CALD1: variants seen among roughly 807,000 people sequenced by gnomAD.
The protein encoded by CALD1 is caldesmon 1.
CALD1 carries 33 observed loss-of-function variants against 99.9 expected under a neutral mutation model. That is an observed-to-expected ratio of 0.33 (90% confidence interval 0.25 to 0.44). The LOEUF (loss-of-function observed/expected upper bound fraction) is 0.44. Among genes scored for constraint, CALD1 ranks in the 20% least tolerant of loss-of-function variants. CALD1 has a pLI of 1.00. For missense variants in CALD1, 861 were observed against 962.1 expected, an observed-to-expected ratio of 0.89 and a Z score of 1.39; for synonymous variants, 310 against 325.0, an observed-to-expected ratio of 0.95 and a Z score of 0.50.
At position 134,762,519 on chromosome 7, in the gene CALD1, A is replaced by G. The variant is rs187511165; in HGVS notation, c.-130+18156A>G. Among the ~76,000 whole-genome samples the G allele has an allele frequency of 5.9e-5, 9 of 152,294 alleles. No individual in the cohort carries two copies. The East Asian group carries it at 1.7e-3, about 29-fold the overall frequency. On this transcript the variant is annotated intron_variant, in intron 1 of 13. Transcript: ENST00000417172. ...CAGAGACTAGGTAATTTATAAAGAA[A>G]AGAGGTTTAATTGGCTCACGGTTTC...
chr7:134,755,775 T>C (rs1796722208), intron 1 of CALD1, among the ~76,000 whole-genome samples: 1 of 152,246 alleles, frequency 6.6e-6, no homozygotes, highest in Non-Finnish European at 1.5e-5. Context: ...GTCATATTTA[T>C]CATTCTTTTC....
chr7:134,884,225 T>C (rs1451530158), intron 3 of CALD1, among the ~76,000 whole-genome samples: 1 of 152,150 alleles, frequency 6.6e-6, no homozygotes, highest in African/African-American at 2.4e-5. Context: ...ATCTCAGGGT[T>C]GGTTGAGTTT....
At chr7:134,800,749 G>A (rs951089617) in intron 1 of CALD1, among the ~76,000 whole-genome samples, 7 of 151,924 alleles carry the variant, frequency 4.6e-5, no homozygotes, top group African/African-American at 1.7e-4. Flanking sequence ...TCTGAAAACA[G>A]GGCAAACTTA....
intron 1 of CALD1, among the ~76,000 whole-genome samples, chr7:134,751,289 A>G (rs1180251282): frequency 6.6e-6 from 1 of 152,206 alleles, no homozygotes; most frequent in Non-Finnish European, 1.5e-5. Flanking sequence ...AATGACACCT[A>G]TTATTAGTAT....
upstream of CALD1, among the ~76,000 whole-genome samples, chr7:134,741,043 A>C (rs1465094766): frequency 6.6e-6 from 1 of 152,186 alleles, no homozygotes; most frequent in Non-Finnish European, 1.5e-5. Flanking sequence ...GTCAGGGCAC[A>C]AAAATCAGTC....
At chr7:134,889,941 C>A (rs763581944) in intron 3 of CALD1, among the ~76,000 whole-genome samples, 5 of 152,102 alleles carry the variant, frequency 3.3e-5, no homozygotes, top group Non-Finnish European at 5.9e-5. Flanking sequence ...TGGAGTCTCA[C>A]TCTGTCGCTC....
upstream of CALD1, among the ~76,000 whole-genome samples, chr7:134,740,999 C>A (rs891401100): frequency 4.6e-5 from 7 of 152,154 alleles, no homozygotes; most frequent in Non-Finnish European, 1.0e-4. Context: ...TGAATTGAGG[C>A]ATAGCGAGGT....
intron 1 of CALD1, among the ~76,000 whole-genome samples, chr7:134,825,063 C>T (rs1268835882): frequency 1.3e-5 from 2 of 152,020 alleles, no homozygotes; most frequent in Non-Finnish European, 2.9e-5. Context: ...ATCATGGTAC[C>T]AGCATTGAAA....
chr7:134,726,324 T>A, the CALD1 span, among the ~76,000 whole-genome samples: 4 of 147,892 alleles, frequency 2.7e-5, no homozygotes, highest in East Asian at 7.8e-4. Context: ...ATTAATATAT[T>A]AGCATATATA....
chr7:134,860,997 T>C (rs1004457906), intron 2 of CALD1, among the ~76,000 whole-genome samples: 1 of 152,186 alleles, frequency 6.6e-6, no homozygotes, highest in Non-Finnish European at 1.5e-5. Flanking sequence ...TATGATCAGC[T>C]TGAAAGGAAG....
At chr7:134,731,142 C>T in the CALD1 span, among the ~76,000 whole-genome samples, 5 of 152,118 alleles carry the variant, frequency 3.3e-5, no homozygotes, top group African/African-American at 1.2e-4. Flanking sequence ...GAAGCTTTGC[C>T]CCATCAGTTT....
rs372301863 is a variant in CALD1, at chr7:134,933,557, A to G, written c.788A>G (p.Glu263Gly). 1 of 1,613,684 alleles carries G rather than the reference A, an allele frequency of 6.2e-7. No individual in the cohort carries two copies. The highest frequency in any genetic ancestry group is 8.5e-7 in the Non-Finnish European group (1 of 1,179,878). The change falls in exon 5 of 15, where the codon GAA (glutamate) becomes GGA (glycine). Residue 263 changes from glutamate (E) to glycine (G), a missense_variant. By Grantham distance (98) the Glu-to-Gly change is moderately conservative. Coordinates refer to ENST00000361675, the MANE Select transcript of CALD1 (RefSeq NM_033138.4). ...GAAAAGATGGAAGAGGAAGACAAGG[A>G]AAGAGCTGAGGCAGAGAGGGCAAGG... ...HHEKMEEEDK[E>G]RAEAERARLE...
At chr7:134,726,476 TATA>T in the CALD1 span, among the ~76,000 whole-genome samples, 2 of 142,370 alleles carry the variant, frequency 1.4e-5, no homozygotes, top group East Asian at 3.9e-4. Flanking sequence ...GCTTTAGATA[TATA>T]ATATATATTA....
intron 3 of CALD1, among the ~76,000 whole-genome samples, chr7:134,907,936 G>C (rs1377069188): frequency 1.3e-5 from 2 of 152,156 alleles, no homozygotes; most frequent in East Asian, 3.9e-4. Context: ...AGGATAAGGT[G>C]TGGTTTGGCA....
chr7:134,927,827 G>T (rs960621577), intron 3 of CALD1, among the ~76,000 whole-genome samples: 2 of 149,788 alleles, frequency 1.3e-5, no homozygotes, highest in Non-Finnish European at 3.0e-5. Context: ...AAAGGAACTG[G>T]AGGGAAAAAC....
intron 3 of CALD1, among the ~76,000 whole-genome samples, chr7:134,869,902 A>T (rs1400066392): frequency 2.0e-5 from 3 of 152,136 alleles, no homozygotes; most frequent in Admixed American, 6.5e-5. Context: ...CGTACCAGGG[A>T]GATGGGGGAG....
At chr7:134,827,053 G>T (rs1466890471) in intron 1 of CALD1, among the ~76,000 whole-genome samples, 2 of 152,130 alleles carry the variant, frequency 1.3e-5, no homozygotes, top group South Asian at 4.1e-4. Context: ...TTAGCTCTTT[G>T]CCTTAATTCT....
chr7:134,849,473 A>G (rs1799987545), intron 2 of CALD1, among the ~76,000 whole-genome samples: 1 of 152,202 alleles, frequency 6.6e-6, no homozygotes, highest in Non-Finnish European at 1.5e-5. Context: ...CACATAATCT[A>G]TGCATATCCT....
At chr7:134,874,528 G>A (rs1361165003) in intron 3 of CALD1, among the ~76,000 whole-genome samples, 2 of 152,182 alleles carry the variant, frequency 1.3e-5, no homozygotes, top group African/African-American at 2.4e-5. Context: ...ATCTCCAGCA[G>A]ACATACTTGG....
Sources: allele counts gnomAD v4.1 joint callset (sites outside exome capture counted in the v4.1 genomes callset), GRCh38; gene constraint gnomAD v4.1.1; transcripts MANE v1.5; gene names NCBI Gene and HGNC (gene_info 2026-07-23, HGNC 2026-07-21).